UNC13C: variants seen among roughly 807,000 people sequenced by gnomAD.
UNC13C encodes the protein unc-13 homolog C.
A neutral mutation model predicts 245.4 loss-of-function variants in UNC13C; 174 were observed. The observed-to-expected ratio is 0.71, with a 90% confidence interval of 0.63 to 0.80. UNC13C has a LOEUF of 0.80. UNC13C is among the 30% of genes least tolerant of loss of function. The probability of loss-of-function intolerance (pLI) is 0.00; values close to 1 mark genes in which losing one functional copy is unlikely to be tolerated. For synonymous variants in UNC13C, 992 were observed against 895.1 expected (o/e 1.11, Z -1.93); for missense variants, 2,829 against 2,602.9 (o/e 1.09, Z -1.89).
At chr15:53,919,327 C>T in the UNC13C span, among the ~76,000 whole-genome samples, 10 of 152,116 alleles carry the variant, frequency 6.6e-5, no homozygotes, top group Non-Finnish European at 1.2e-4. Flanking sequence ...ACATCAAAAA[C>T]GAACATCAGT....
At chr15:54,485,694 C>T (rs903529369) in intron 19 of UNC13C, among the ~76,000 whole-genome samples, 2 of 152,212 alleles carry the variant, frequency 1.3e-5, no homozygotes, top group African/African-American at 4.8e-5. Flanking sequence ...CCGGGTTTCT[C>T]TCTGAACCCA....
Position 54,475,141 on chromosome 15 carries a change from C to T in UNC13C, c.4934-19467C>T, listed in dbSNP as rs185852490. On this transcript the variant is annotated intron_variant, in intron 19 of 32. Transcript: ENST00000260323. ...TCTGTTTTTTCTTTTGTTGCCTGTG[C>T]TTTTGAGGTCTTAGCCATAAAATAG... is the stretch of plus-strand genomic sequence containing the variant. 2.2e-3 allele frequency among the ~76,000 whole-genome samples: 337 copies of T among 151,962 alleles called. 3 individuals carry two copies. Among genetic ancestry groups the T allele is most frequent in the Non-Finnish European group, 3.8e-3 (261 of 67,908 alleles).
intron 11 of UNC13C, 90 bp from the exon 12 acceptor site, chr15:54,297,721 T>G (rs2037473219): frequency 2.1e-6 from 2 of 945,886 alleles, no homozygotes; most frequent in Non-Finnish European, 3.3e-6. Flanking sequence ...AGCCGTTTTT[T>G]TGTTTTTTTG....
At chr15:54,455,164 CCTCTCTCTCTCT>C (rs1203605020) in intron 19 of UNC13C, among the ~76,000 whole-genome samples, 3 of 17,518 alleles carry the variant, frequency 1.7e-4, no homozygotes, top group South Asian at 4.4e-3. Flanking sequence ...GAGTCATATT[CCTCTCTCTCTCT>C]CTCTCTCTCT....
chr15:54,153,162 A>G (rs1047270479), intron 4 of UNC13C, among the ~76,000 whole-genome samples: 1 of 152,152 alleles, frequency 6.6e-6, no homozygotes, highest in African/African-American at 2.4e-5. Flanking sequence ...ACTGCACTGT[A>G]ATCCATATTT....
upstream of UNC13C, among the ~76,000 whole-genome samples, chr15:53,973,951 G>A (rs142492419): frequency 8.9e-4 from 136 of 152,124 alleles, 1 homozygote; most frequent in African/African-American, 3.2e-3. Flanking sequence ...GTAAATACTT[G>A]TCTGCTTTAC....
chr15:54,194,755 C>T (rs2034297289), intron 4 of UNC13C, among the ~76,000 whole-genome samples: 1 of 152,060 alleles, frequency 6.6e-6, no homozygotes, highest in African/African-American at 2.4e-5. Flanking sequence ...ATCTGAGCCA[C>T]AGATCAGCCA....
At chr15:54,458,095 C>T (rs371047392) in intron 19 of UNC13C, among the ~76,000 whole-genome samples, 25 of 152,030 alleles carry the variant, frequency 1.6e-4, no homozygotes, top group East Asian at 1.2e-3. Flanking sequence ...TCATAATTAT[C>T]ATTCAGTTCA....
chr15:53,935,400 G>T, the UNC13C span, among the ~76,000 whole-genome samples: 1 of 152,108 alleles, frequency 6.6e-6, no homozygotes, highest in Non-Finnish European at 1.5e-5. Flanking sequence ...TCTGGTTCTA[G>T]ATCCATGAAA....
At chr15:53,996,335 G>A (rs1894632551) in intron 1 of UNC13C, among the ~76,000 whole-genome samples, 1 of 152,144 alleles carries the variant, frequency 6.6e-6, no homozygotes, top group Admixed American at 6.5e-5. Context: ...TTCCAAGCAG[G>A]TTTAAGAGGT....
At chr15:54,372,620 C>G (rs1443839120) in intron 17 of UNC13C, among the ~76,000 whole-genome samples, 1 of 152,114 alleles carries the variant, frequency 6.6e-6, no homozygotes, top group African/African-American at 2.4e-5. Context: ...TGGAATCATA[C>G]TAAATATGTT....
chr15:54,152,889 T>C (rs866164482), intron 4 of UNC13C, among the ~76,000 whole-genome samples: 3 of 152,066 alleles, frequency 2.0e-5, no homozygotes, highest in Non-Finnish European at 4.4e-5. Flanking sequence ...AGGGTGATAA[T>C]TGTATTTTCC....
At chr15:54,285,561 T>G (rs1203686557) in intron 10 of UNC13C, among the ~76,000 whole-genome samples, 1 of 152,196 alleles carries the variant, frequency 6.6e-6, no homozygotes, top group Non-Finnish European at 1.5e-5. Flanking sequence ...GAGAATTTAA[T>G]TACTGTTTGA....
At chr15:54,457,840 T>G (rs1596410346) in intron 19 of UNC13C, among the ~76,000 whole-genome samples, 1 of 151,830 alleles carries the variant, frequency 6.6e-6, no homozygotes, top group Non-Finnish European at 1.5e-5. Context: ...TCTGTTTCAT[T>G]TATCTTTTCT....
intron 18 of UNC13C, among the ~76,000 whole-genome samples, chr15:54,394,484 G>A (rs1210711792): frequency 3.3e-5 from 5 of 151,720 alleles, no homozygotes; most frequent in African/African-American, 1.2e-4. Flanking sequence ...ATGGGTCCTG[G>A]GAAGTACATC....
chr15:54,454,728 C>T (rs12595197), intron 19 of UNC13C, among the ~76,000 whole-genome samples: 62,065 of 151,686 alleles, frequency 0.41, 12,967 homozygotes, highest in East Asian at 0.62. Context: ...CTTCTTTCAC[C>T]CAACATAATG....
chr15:54,262,293 G>A (rs1330538325), intron 8 of UNC13C, among the ~76,000 whole-genome samples: 1 of 152,174 alleles, frequency 6.6e-6, no homozygotes, highest in Non-Finnish European at 1.5e-5. Context: ...AATAAGAATA[G>A]CTGTTTGGAA....
intron 2 of UNC13C, among the ~76,000 whole-genome samples, chr15:54,018,956 A>G (rs1209517910): frequency 2.0e-5 from 3 of 152,182 alleles, no homozygotes. Context: ...AGTCAAATCC[A>G]AATTCAAACT....
At chr15:54,233,186 A>G (rs562695242) in intron 4 of UNC13C, among the ~76,000 whole-genome samples, 101 of 152,282 alleles carry the variant, frequency 6.6e-4, no homozygotes, top group Middle Eastern at 3.4e-3. Flanking sequence ...GAGAGTGTTA[A>G]TTGTCATTAT....
Sources: allele counts gnomAD v4.1 joint callset (sites outside exome capture counted in the v4.1 genomes callset), GRCh38; gene constraint gnomAD v4.1.1; transcripts MANE v1.5; gene names NCBI Gene and HGNC (gene_info 2026-07-23, HGNC 2026-07-21).